Variants in LARGE1 observed in about 807,000 individuals in gnomAD.
LARGE1 encodes the protein xylosyl- and glucuronyltransferase LARGE1.
LARGE1 carries 43 observed loss-of-function variants against 87.6 expected under a neutral mutation model. That is an observed-to-expected ratio of 0.49 (90% confidence interval 0.38 to 0.63). The LOEUF (loss-of-function observed/expected upper bound fraction) is 0.63, where lower values mean the gene tolerates loss of function less well. LARGE1 is among the 30% of genes least tolerant of loss of function. LARGE1 has a pLI of 0.00. For missense variants in LARGE1, 802 were observed against 1,000.2 expected (o/e 0.80, Z 2.67); for synonymous variants, 434 against 394.6 (o/e 1.10, Z -1.18).
intron 10 of LARGE1, among the ~76,000 whole-genome samples, chr22:33,324,755 T>G (rs1263311228): frequency 6.6e-6 from 1 of 152,124 alleles, no homozygotes; most frequent in Non-Finnish European, 1.5e-5. Context: ...TTGCGCAAAC[T>G]AAGGAGTGAG....
chr22:33,912,200 C>CTTT (rs1368828261), intron 1 of LARGE1, among the ~76,000 whole-genome samples: 3 of 152,166 alleles, frequency 2.0e-5, no homozygotes, highest in African/African-American at 7.2e-5. Flanking sequence ...ATCTACGCAA[C>CTTT]TGTTCTAAAA....
chr22:33,381,710 G>A (rs1301333135), intron 9 of LARGE1, among the ~76,000 whole-genome samples: 1 of 152,042 alleles, frequency 6.6e-6, no homozygotes, highest in South Asian at 2.1e-4. Context: ...TGGTTCTTAC[G>A]CCAGGAGGCT....
At chr22:33,568,779 A>AAAAAAAG in intron 5 of LARGE1, among the ~76,000 whole-genome samples, 1 of 151,748 alleles carries the variant, frequency 6.6e-6, no homozygotes, top group Non-Finnish European at 1.5e-5. Flanking sequence ...AAAAAAAAAA[A>AAAAAAAG]AAAAAATAAG....
At chr22:33,201,423 G>A (rs1049289807) in intron 11 of LARGE1, among the ~76,000 whole-genome samples, 1 of 118,698 alleles carries the variant, frequency 8.4e-6, no homozygotes, top group Non-Finnish European at 1.9e-5. Flanking sequence ...AAGGAAGGAA[G>A]GAAGGAAAGA....
the LARGE1 span, among the ~76,000 whole-genome samples, chr22:33,089,376 T>TCC: frequency 7.5e-6 from 1 of 133,622 alleles, no homozygotes; most frequent in African/African-American, 2.8e-5. Context: ...CTTCTCCTTC[T>TCC]TCTTCTTCTT....
chr22:33,201,503 A>G (rs549146302), intron 11 of LARGE1, among the ~76,000 whole-genome samples: 1 of 152,280 alleles, frequency 6.6e-6, no homozygotes, highest in Admixed American at 6.5e-5. Flanking sequence ...GATTGGGCAG[A>G]CAGCTTGTAA....
At chr22:33,215,624 T>C (rs948768130) in intron 11 of LARGE1, among the ~76,000 whole-genome samples, 5 of 152,218 alleles carry the variant, frequency 3.3e-5, no homozygotes, top group East Asian at 1.9e-4. Flanking sequence ...TGCTTTTTTT[T>C]CCCTTAAGAC....
At chr22:33,377,766 T>C (rs1434327892) in intron 9 of LARGE1, among the ~76,000 whole-genome samples, 1 of 152,204 alleles carries the variant, frequency 6.6e-6, no homozygotes, top group Non-Finnish European at 1.5e-5. Flanking sequence ...CTTTTCATTC[T>C]GTGTTGCATC....
chr22:33,725,949 G>C (rs12168206), intron 2 of LARGE1, among the ~76,000 whole-genome samples: 2,557 of 152,268 alleles, frequency 0.017, 71 homozygotes, highest in African/African-American at 0.058. Context: ...CAAATCAGGG[G>C]AGAGATGCTG....
chr22:33,128,146 A>T, the LARGE1 span, among the ~76,000 whole-genome samples: 1 of 152,296 alleles, frequency 6.6e-6, no homozygotes, highest in East Asian at 1.9e-4. Context: ...GAGAAATAGG[A>T]ATGCTTTTAC....
At chr22:33,630,905 T>C (rs944582595) in intron 3 of LARGE1, among the ~76,000 whole-genome samples, 2 of 151,834 alleles carry the variant, frequency 1.3e-5, no homozygotes, top group African/African-American at 4.8e-5. Flanking sequence ...CAGGATGGAG[T>C]GCAGTGATGT....
At chr22:33,342,189 C>T (rs183755889) in intron 9 of LARGE1, among the ~76,000 whole-genome samples, 144 of 152,244 alleles carry the variant, frequency 9.5e-4, no homozygotes, top group African/African-American at 3.3e-3. Context: ...GTGGGGGGAT[C>T]GTGTCGTCTT....
At chr22:33,716,816 T>C (rs1046170240) in intron 2 of LARGE1, among the ~76,000 whole-genome samples, 1 of 152,334 alleles carries the variant, frequency 6.6e-6, no homozygotes. Context: ...GGATAAATTT[T>C]ACTGTTGGCT....
chr22:33,421,631 A>G (rs933675961), intron 7 of LARGE1, among the ~76,000 whole-genome samples: 1 of 152,214 alleles, frequency 6.6e-6, no homozygotes, highest in African/African-American at 2.4e-5. Context: ...TTGTCTCATC[A>G]CATTAAATGT....
At chr22:33,375,329 T>C (rs1452640784) in intron 9 of LARGE1, among the ~76,000 whole-genome samples, 1 of 152,176 alleles carries the variant, frequency 6.6e-6, no homozygotes, top group Non-Finnish European at 1.5e-5. Context: ...GTGAGTATTC[T>C]TATTTTTTAC....
In LARGE1 at chr22:33,224,653, T is replaced by G. The variant is rs189745498; in HGVS notation, c.1731-57821A>C. Reference sequence around the variant, plus strand: ...CCTAGGACTCGGGTCCACCGTGACCTAAACCGAGATCCAACAAGCTCCCTG... The same window carrying G: ...CCTAGGACTCGGGTCCACCGTGACCGAAACCGAGATCCAACAAGCTCCCTG... On this transcript the variant is annotated intron_variant, in intron 11 of 11. Coordinates refer to the LARGE1 transcript ENST00000608642. Among the ~76,000 whole-genome samples, 1,257 of 152,276 alleles carry G rather than the reference T, an allele frequency of 8.3e-3. 20 individuals carry two copies. The highest frequency in any genetic ancestry group is 0.029 in the African/African-American group (1,191 of 41,558).
chr22:33,578,709 C>A (rs369019312), intron 5 of LARGE1, among the ~76,000 whole-genome samples: 2 of 152,064 alleles, frequency 1.3e-5, no homozygotes, highest in Non-Finnish European at 2.9e-5. Flanking sequence ...AAACCTTAAT[C>A]GTTTTTGGAA....
At position 33,501,694 on chromosome 22, in the gene LARGE1, G is replaced by A. The variant is rs16992468; in HGVS notation, c.787+63154C>T. On this transcript the variant is annotated intron_variant, in intron 6 of 14. Coordinates refer to ENST00000397394, the MANE Select transcript of LARGE1 (RefSeq NM_133642.5). ...CCAGGCCTGGCATCCAGATGGGGCG[G>A]CAGGCGGCCTGGACTATGACTCTCC... Among the ~76,000 whole-genome samples the A allele has an allele frequency of 7.8e-3, 1,183 of 152,302 alleles. 36 individuals carry two copies. Among genetic ancestry groups the A allele is most frequent in the East Asian group, 0.061 (315 of 5,170 alleles).
intron 11 of LARGE1, among the ~76,000 whole-genome samples, chr22:33,243,161 T>G (rs1357701776): frequency 6.6e-6 from 1 of 152,226 alleles, no homozygotes; most frequent in African/African-American, 2.4e-5. Flanking sequence ...GTAGAGCTAA[T>G]TCAACCCATA....
Sources: allele counts gnomAD v4.1 joint callset (sites outside exome capture counted in the v4.1 genomes callset), GRCh38; gene constraint gnomAD v4.1.1; transcripts MANE v1.5; gene names NCBI Gene and HGNC (gene_info 2026-07-23, HGNC 2026-07-21).